The following MYO5B variants were observed in gnomAD, a reference collection of about 807,000 sequenced individuals.
MYO5B encodes the protein myosin VB.
MYO5B carries 143 observed loss-of-function variants against 229.3 expected under a neutral mutation model. The ratio of observed to expected loss-of-function variants is 0.62; its 90% CI spans 0.54 to 0.72. The LOEUF is 0.72. MYO5B is among the 30% of genes least tolerant of loss of function. MYO5B has a pLI of 0.00. For missense variants in MYO5B, 2,321 were observed against 2,331.0 expected (o/e 1.00, Z 0.09); for synonymous variants, 918 against 885.2 (o/e 1.04, Z -0.66).
chr18:49,883,968 A>G (rs535890595), intron 22 of MYO5B, among the ~76,000 whole-genome samples: 3 of 152,372 alleles, frequency 2.0e-5, no homozygotes, highest in South Asian at 2.1e-4. Flanking sequence ...CTCAAAATGC[A>G]TTAAAGACTT....
intron 3 of MYO5B, among the ~76,000 whole-genome samples, chr18:50,038,760 T>C (rs1233496863): frequency 6.6e-6 from 1 of 152,216 alleles, no homozygotes; most frequent in Non-Finnish European, 1.5e-5. Flanking sequence ...TGGGACATCT[T>C]AGAGGGTATT....
rs375758618 is a variant in MYO5B, at chr18:49,930,720, A to G, written c.2004-1122T>C. ...ATCCTGGCTAACACGGTGAAACCCC[A>G]TCTCTACTAAAAATATAAAAAATTA... On this transcript the variant is annotated intron_variant, in intron 16 of 39. Transcript: ENST00000285039. Among the ~76,000 whole-genome samples the G allele has an allele frequency of 5.3e-5, 8 of 152,110 alleles. No individual in the cohort carries two copies. In the East Asian group the frequency reaches 9.7e-4, roughly 18 times the overall value.
chr18:50,065,110 C>T (rs1353902984), intron 1 of MYO5B, among the ~76,000 whole-genome samples: 1 of 152,178 alleles, frequency 6.6e-6, no homozygotes, highest in Non-Finnish European at 1.5e-5. Flanking sequence ...TGTCAGTCTC[C>T]CCCATCTCCA....
intron 22 of MYO5B, among the ~76,000 whole-genome samples, chr18:49,881,327 A>G (rs565349165): frequency 2.2e-4 from 33 of 152,288 alleles, no homozygotes; most frequent in Non-Finnish European, 3.2e-4. Context: ...TTGGACCAGC[A>G]CAGTTCAAAT....
At chr18:49,977,022 T>C (rs974677664) in intron 9 of MYO5B, among the ~76,000 whole-genome samples, 1 of 152,160 alleles carries the variant, frequency 6.6e-6, no homozygotes, top group African/African-American at 2.4e-5. Context: ...GCCCAAGACA[T>C]GCCCACGGGC....
chr18:50,145,497 C>CAAAAAAAAAAAAAAAAAAAAAAA (rs369507800), intron 1 of MYO5B, among the ~76,000 whole-genome samples: 4 of 69,986 alleles, frequency 5.7e-5, no homozygotes, highest in African/African-American at 2.3e-4. Context: ...GACTCCATCT[C>CAAAAAAAAAAAAAAAAAAAAAAA]AAAAAAAAAA....
intron 1 of MYO5B, among the ~76,000 whole-genome samples, chr18:50,102,208 A>T (rs2031668455): frequency 6.6e-6 from 1 of 152,122 alleles, no homozygotes; most frequent in African/African-American, 2.4e-5. Flanking sequence ...ACTAGAACAG[A>T]TGGACACAAG....
intron 14 of MYO5B, among the ~76,000 whole-genome samples, chr18:49,951,186 G>A (rs2025427312): frequency 1.3e-5 from 2 of 152,132 alleles, no homozygotes; most frequent in East Asian, 1.9e-4. Flanking sequence ...GCTTGTGCCT[G>A]GTCTCCGGGA....
intron 1 of MYO5B, among the ~76,000 whole-genome samples, chr18:50,107,491 G>T (rs1376178435): frequency 1.3e-5 from 2 of 152,138 alleles, no homozygotes; most frequent in Non-Finnish European, 2.9e-5. Flanking sequence ...TTAAGATTGT[G>T]TTTCAGAGTT....
chr18:49,853,545 C>G lies in MYO5B; in HGVS notation c.4125G>C (p.Gln1375His). Residue 1375 changes from glutamine to histidine, a missense_variant, in exon 31 of 40, where the codon CAG (glutamine) becomes CAC (histidine). By Grantham distance (24) the Gln-to-His change is conservative (BLOSUM62 0). Transcript: ENST00000285039. The stretch of plus-strand genomic sequence containing the variant: ...GTAGCGTCTGGCAGAAGGTCTGCTG[C>G]TGTTTGTCCATCTCCTCCTTCAGGG... Reference protein sequence around the residue: ...LEALKEEMDKQQQTFCQTLLL... With the variant: ...LEALKEEMDKHQQTFCQTLLL... 1 of 1,614,220 alleles carries G rather than the reference C, an allele frequency of 6.2e-7. No individual in the cohort carries two copies. Among genetic ancestry groups the G allele is most frequent in the Non-Finnish European group, 8.5e-7 (1 of 1,180,046 alleles).
chr18:49,944,313 A>G (rs1346283330), intron 14 of MYO5B, among the ~76,000 whole-genome samples: 3 of 152,090 alleles, frequency 2.0e-5, no homozygotes, highest in South Asian at 2.1e-4. Context: ...CCAGAGTCCA[A>G]GCAACAATGC....
intron 32 of MYO5B, 111 bp downstream of exon 32, chr18:49,849,456 G>T (rs2024171758): frequency 1.2e-6 from 1 of 859,610 alleles, no homozygotes; most frequent in African/African-American, 1.7e-5. Context: ...GAGCCACCAA[G>T]AAATCAGTGA....
At chr18:49,919,761 T>C (rs970084327) in intron 17 of MYO5B, among the ~76,000 whole-genome samples, 8 of 152,120 alleles carry the variant, frequency 5.3e-5, no homozygotes, top group African/African-American at 1.7e-4. Context: ...GAAAACAATA[T>C]GGAAGGTCCT....
chr18:50,065,670 A>G (rs922401054), intron 1 of MYO5B, among the ~76,000 whole-genome samples: 13 of 152,130 alleles, frequency 8.5e-5, no homozygotes, highest in African/African-American at 2.9e-4. Flanking sequence ...GAGCCAAACC[A>G]TATCACAGGG....
rs142681794 is a variant in MYO5B at position 49,957,646 on chromosome 18, TCAAAA to T, written c.1546-3216_1546-3212del. Among the ~76,000 whole-genome samples the T allele has an allele frequency of 4.0e-3, 477 of 119,540 alleles. 1 individual carries two copies. The highest frequency in any genetic ancestry group is 0.013 in the African/African-American group (410 of 30,582). 78.4% of individuals were successfully genotyped at this position (119,540 alleles called of 152,430 possible). On this transcript the variant is annotated intron_variant, in intron 12 of 39. Transcript: ENST00000285039. ...CTGGGTGACAGAACAAGACACTGTCTCAAAACAAAACAAAACAAAACAAAACAAAA... is the reference window on the plus strand; with the variant it reads ...CTGGGTGACAGAACAAGACACTGTCTCAAAACAAAACAAAACAAAACAAAA...
chr18:50,011,125 G>A (rs879317446), intron 4 of MYO5B, among the ~76,000 whole-genome samples: 5 of 152,142 alleles, frequency 3.3e-5, no homozygotes, highest in South Asian at 2.1e-4. Flanking sequence ...GGCAGATCAC[G>A]AGGTCAGGAG....
At chr18:50,012,254 C>A (rs2026169824) in intron 4 of MYO5B, among the ~76,000 whole-genome samples, 1 of 152,162 alleles carries the variant, frequency 6.6e-6, no homozygotes, top group Non-Finnish European at 1.5e-5. Flanking sequence ...TGGGTCACTA[C>A]ATAAACATGT....
rs1285841007 is a variant in MYO5B, at chr18:50,115,545, G to GACAC, written c.28-60168_28-60167insGTGT. ...TAAAACACACACACACACACACAGA[G>GACAC]AGACACACACACACACACACACACA... On this transcript the variant is annotated intron_variant, in intron 1 of 39. Transcript: ENST00000285039. 2.6e-3 allele frequency among the ~76,000 whole-genome samples: 271 copies of GACAC among 106,222 alleles called. 6 individuals are homozygous for GACAC. In the East Asian group the frequency reaches 0.026, roughly 10 times the overall value. 69.7% of individuals were successfully genotyped at this position (106,222 alleles called of 152,430 possible).
chr18:50,075,991 A>C (rs1215540765), intron 1 of MYO5B, among the ~76,000 whole-genome samples: 1 of 152,224 alleles, frequency 6.6e-6, no homozygotes, highest in Non-Finnish European at 1.5e-5. Flanking sequence ...TGCAAACTGC[A>C]ATTTGAATCC....
Sources: gnomAD v4.1 joint callset for allele counts (sites outside exome capture counted in the v4.1 genomes callset) on GRCh38, gnomAD v4.1.1 for gene constraint, MANE v1.5 for transcripts, NCBI Gene and HGNC (gene_info 2026-07-23, HGNC 2026-07-21) for gene names.